Variants in MAP2K4 observed in about 807,000 individuals in gnomAD.
MAP2K4 encodes the protein dual specificity mitogen-activated protein kinase kinase 4.
Under a neutral mutation model 48.5 loss-of-function variants are expected in MAP2K4, and 4 were observed. That is an observed-to-expected ratio of 0.08 (90% CI 0.04 to 0.19). The LOEUF (loss-of-function observed/expected upper bound fraction) is 0.19. Ranked by LOEUF, MAP2K4 falls within the 10% of genes least tolerant of loss-of-function variation. MAP2K4 has a pLI of 1.00. For missense variants in MAP2K4, 258 were observed against 493.3 expected, an observed-to-expected ratio of 0.52 and a Z score of 4.52; for synonymous variants, 166 against 173.1, an observed-to-expected ratio of 0.96 and a Z score of 0.32.
intron 2 of MAP2K4, among the ~76,000 whole-genome samples, chr17:12,068,163 A>C (rs1597433206): frequency 6.6e-6 from 1 of 152,204 alleles, no homozygotes; most frequent in Admixed American, 6.5e-5. Flanking sequence ...GAGAAAGGAA[A>C]AACAAACAAA....
rs1324223656 is a variant in MAP2K4, at chr17:12,039,352, G to C, written c.116-15537G>C. Among the ~76,000 whole-genome samples the C allele has an allele frequency of 4.6e-5, 7 of 152,126 alleles. No homozygotes were observed. The East Asian group carries it at 1.4e-3, about 29-fold the overall frequency. On this transcript the variant is annotated intron_variant, in intron 1 of 10. Coordinates refer to ENST00000353533, the MANE Select transcript of MAP2K4 (RefSeq NM_003010.4). ...TGCATCCCCACCCCACTTTCTTTTT[G>C]GCAGGGTTAGAAGAAAGATTTAATT...
intron 9 of MAP2K4, among the ~76,000 whole-genome samples, chr17:12,136,794 A>C (rs376455533): frequency 1.3e-5 from 2 of 152,236 alleles, no homozygotes; most frequent in Non-Finnish European, 2.9e-5. Context: ...AAGGTATGGC[A>C]GCTTTACAAA....
Position 12,092,329 on chromosome 17 carries a change from T to A in MAP2K4, c.394-3246T>A, listed in dbSNP as rs573237400. ...GGCGTCACCTTGTTACTTCCATTTT[T>A]CTGTGCTCTTAAGGACAGCTTTATA... is the stretch of plus-strand genomic sequence containing the variant. On this transcript the variant is annotated intron_variant, in intron 3 of 10. Coordinates refer to ENST00000353533, the MANE Select transcript of MAP2K4 (RefSeq NM_003010.4). 2.8e-4 allele frequency among the ~76,000 whole-genome samples: 43 copies of A among 152,336 alleles called. 1 individual carries two copies. Among genetic ancestry groups the A allele is most frequent in the African/African-American group, 1.0e-3 (42 of 41,580 alleles).
At chr17:12,121,092 C>T (rs1381432276) in intron 7 of MAP2K4, among the ~76,000 whole-genome samples, 1 of 152,210 alleles carries the variant, frequency 6.6e-6, no homozygotes, top group African/African-American at 2.4e-5. Context: ...CACAGATTGT[C>T]TACCTGGGTG....
At chr17:12,064,848 G>T (rs1459314401) in intron 2 of MAP2K4, among the ~76,000 whole-genome samples, 1 of 152,088 alleles carries the variant, frequency 6.6e-6, no homozygotes, top group Admixed American at 6.5e-5. Context: ...ACAAATTATG[G>T]TATATTATTT....
Position 12,118,091 on chromosome 17 carries a change from C to T in MAP2K4, c.813+4731C>T, listed in dbSNP as rs1972559625. 2.0e-5 allele frequency among the ~76,000 whole-genome samples: 3 copies of T among 152,142 alleles called. No homozygotes were observed. The South Asian group carries it at 6.2e-4, about 31-fold the overall frequency. On this transcript the variant is annotated intron_variant, in intron 7 of 10. Coordinates refer to ENST00000353533, the MANE Select transcript of MAP2K4 (RefSeq NM_003010.4). ...CTGGTTATAGAAATTTAAGAAAAAA[C>T]ATAGCATTAACTTTTTAAAGATTTA...
chr17:12,061,196 A>T (rs1970440425), intron 2 of MAP2K4, among the ~76,000 whole-genome samples: 1 of 152,222 alleles, frequency 6.6e-6, no homozygotes, highest in Non-Finnish European at 1.5e-5. Context: ...TGTTATGTGT[A>T]TGCAGCATTT....
At chr17:12,088,435 T>G (rs1358586565) in intron 3 of MAP2K4, among the ~76,000 whole-genome samples, 1 of 117,730 alleles carries the variant, frequency 8.5e-6, no homozygotes, top group African/African-American at 3.0e-5. Flanking sequence ...ATATAATATA[T>G]TACATATAAT....
chr17:12,106,449 T>C (rs1170512267), intron 4 of MAP2K4, among the ~76,000 whole-genome samples: 1 of 152,280 alleles, frequency 6.6e-6, no homozygotes, highest in Admixed American at 6.5e-5. Flanking sequence ...AAGTGGTCCT[T>C]TTGTAAGAGT....
In MAP2K4 at chr17:12,085,383, C is replaced by T. The variant is rs1277998570; in HGVS notation, c.393+3853C>T. 2.6e-5 allele frequency among the ~76,000 whole-genome samples: 4 copies of T among 151,652 alleles called. No homozygotes were observed. In the East Asian group the frequency reaches 7.8e-4, roughly 30 times the overall value. ...TCATGTTAAATTTGTCATTGTGGAT[C>T]ATTATGATGACTTTTCAGTCTTCTG... is the stretch of plus-strand genomic sequence containing the variant. On this transcript the variant is annotated intron_variant, in intron 3 of 10. Transcript: ENST00000353533.
intron 1 of MAP2K4, among the ~76,000 whole-genome samples, chr17:12,033,936 T>C (rs962827662): frequency 1.3e-5 from 2 of 152,116 alleles, no homozygotes; most frequent in African/African-American, 4.8e-5. Flanking sequence ...ACTACAGGTA[T>C]ATGCCACCAC....
At chr17:12,098,987 A>G (rs1165004277) in intron 4 of MAP2K4, among the ~76,000 whole-genome samples, 1 of 152,026 alleles carries the variant, frequency 6.6e-6, no homozygotes, top group Non-Finnish European at 1.5e-5. Context: ...TTTTTAGTGT[A>G]TCCATCACCC....
Position 12,141,488 on chromosome 17 carries a change from CT to C in MAP2K4, c.*232del. On this transcript the variant is annotated 3_prime_UTR_variant, in exon 11 of 11. Coordinates refer to ENST00000353533, the MANE Select transcript of MAP2K4 (RefSeq NM_003010.4). ...CTGGTCAGAGAGACCTCATCCTGCTCTTTTGTGATGAACATATTCATGAAAT... is the reference window on the plus strand; with the variant it reads ...CTGGTCAGAGAGACCTCATCCTGCTCTTTGTGATGAACATATTCATGAAAT... The C allele has an allele frequency of 1.9e-6, 1 of 526,302 alleles. No homozygotes were observed. Among genetic ancestry groups the C allele is most frequent in the Non-Finnish European group, 3.4e-6 (1 of 294,742 alleles). 32.6% of individuals were successfully genotyped at this position (526,302 alleles called of 1,614,324 possible).
Position 12,065,293 on chromosome 17 carries a change from G to A in MAP2K4, c.218+10302G>A, listed in dbSNP as rs199728647. On this transcript the variant is annotated intron_variant, in intron 2 of 10. Coordinates refer to ENST00000353533, the MANE Select transcript of MAP2K4 (RefSeq NM_003010.4). Reference sequence around the variant, plus strand: ...TATTATTATTATTATTATTATTATTGGTGTTTGTTGTTTTTTTTTTTTTGA... The same window carrying A: ...TATTATTATTATTATTATTATTATTAGTGTTTGTTGTTTTTTTTTTTTTGA... 1.1e-4 allele frequency among the ~76,000 whole-genome samples: 5 copies of A among 47,198 alleles called. No individual in the cohort carries two copies. In the South Asian group the frequency reaches 2.0e-3, roughly 19 times the overall value. 31.0% of individuals were successfully genotyped at this position (47,198 alleles called of 152,430 possible). A position where few individuals can be genotyped will look rare whatever the true frequency, so the allele number is the denominator to read the frequency against.
At chr17:12,095,923 G>GTGTGTGTGTA (rs975429970) in intron 4 of MAP2K4, among the ~76,000 whole-genome samples, 1 of 148,946 alleles carries the variant, frequency 6.7e-6, no homozygotes, top group African/African-American at 2.5e-5. Context: ...GTGTGTGTGT[G>GTGTGTGTGTA]TGTGTATTTT....
intron 2 of MAP2K4, among the ~76,000 whole-genome samples, chr17:12,073,649 A>C (rs965335814): frequency 6.6e-6 from 1 of 152,160 alleles, no homozygotes; most frequent in African/African-American, 2.4e-5. Flanking sequence ...CATAGAATAA[A>C]CTGTACATAT....
chr17:12,050,026 C>G (rs1453394078), intron 1 of MAP2K4, among the ~76,000 whole-genome samples: 1 of 152,180 alleles, frequency 6.6e-6, no homozygotes, highest in Non-Finnish European at 1.5e-5. Context: ...CAAGGGCTAT[C>G]AAATATGGTG....
chr17:12,113,728 A>G (rs991715277), intron 7 of MAP2K4, among the ~76,000 whole-genome samples: 1 of 152,200 alleles, frequency 6.6e-6, no homozygotes, highest in Non-Finnish European at 1.5e-5. Context: ...TTCACTATGT[A>G]TTACAGAGTC....
At chr17:12,028,743 T>C (rs954154996) in intron 1 of MAP2K4, among the ~76,000 whole-genome samples, 8 of 152,094 alleles carry the variant, frequency 5.3e-5, no homozygotes, top group Non-Finnish European at 1.0e-4. Flanking sequence ...ATCCAGAATG[T>C]CCAGGGAATC....
Sources: gnomAD v4.1 joint callset for allele counts (sites outside exome capture counted in the v4.1 genomes callset) on GRCh38, gnomAD v4.1.1 for gene constraint, MANE v1.5 for transcripts, NCBI Gene and HGNC (gene_info 2026-07-23, HGNC 2026-07-21) for gene names.